Variants in HMCN1 observed in about 807,000 individuals in gnomAD.
HMCN1 encodes hemicentin-1.
Under a neutral mutation model 625.9 loss-of-function variants are expected in HMCN1, and 321 were observed. The ratio of observed to expected loss-of-function variants is 0.51; its 90% CI spans 0.47 to 0.56. HMCN1 has a LOEUF of 0.56. Ranked by LOEUF, HMCN1 falls within the 20% of genes least tolerant of loss-of-function variation. The pLI, the probability that HMCN1 is intolerant of heterozygous loss-of-function variation, is 0.00. For missense variants in HMCN1, 6,588 were observed against 6,887.3 expected (o/e 0.96, Z 1.54); for synonymous variants, 2,425 against 2,417.6 (o/e 1.00, Z -0.09).
chr1:186,070,394 C>A (rs991475305), intron 51 of HMCN1, among the ~76,000 whole-genome samples: 3 of 152,184 alleles, frequency 2.0e-5, no homozygotes, highest in African/African-American at 7.2e-5. Flanking sequence ...GCTTTATTGG[C>A]AGTATCACAT....
At chr1:185,959,789 C>G (rs956712463) in intron 11 of HMCN1, among the ~76,000 whole-genome samples, 2 of 151,850 alleles carry the variant, frequency 1.3e-5, no homozygotes, top group Non-Finnish European at 2.9e-5. Context: ...TTTTTTTCCC[C>G]TAACAGGATG....
chr1:186,069,376 G>A (rs943108025), intron 50 of HMCN1, among the ~76,000 whole-genome samples: 2 of 152,176 alleles, frequency 1.3e-5, no homozygotes, highest in Non-Finnish European at 2.9e-5. Context: ...TGAAGAGGAT[G>A]AAAGACCTTA....
rs755088191 is a variant in HMCN1, at chr1:186,119,324, A to G, written c.11956+26A>G. Reference sequence around the variant, plus strand: ...GTATGGAAGGCTATTTACTCATTCAAAGTTCGCTGGGTTTGGGGAGGTTTT... The same window carrying G: ...GTATGGAAGGCTATTTACTCATTCAGAGTTCGCTGGGTTTGGGGAGGTTTT... On this transcript the variant is annotated intron_variant, in intron 78 of 106. Transcript: ENST00000271588. The G allele has an allele frequency of 3.2e-6, 5 of 1,558,268 alleles. No homozygotes were observed. In the African/African-American group the frequency reaches 6.8e-5, roughly 21 times the overall value.
At chr1:185,996,907 A>G (rs986824612) in intron 24 of HMCN1, among the ~76,000 whole-genome samples, 1 of 152,138 alleles carries the variant, frequency 6.6e-6, no homozygotes, top group Non-Finnish European at 1.5e-5. Flanking sequence ...GATTTGAATT[A>G]GATAAGTCAA....
chr1:185,787,382 C>T (rs1049082896), intron 1 of HMCN1, among the ~76,000 whole-genome samples: 18 of 152,260 alleles, frequency 1.2e-4, no homozygotes, highest in Middle Eastern at 3.4e-3. Flanking sequence ...AATCAGCAGG[C>T]GCATGCCATA....
At chr1:185,780,249 T>C (rs559150702) in intron 1 of HMCN1, among the ~76,000 whole-genome samples, 357 of 152,364 alleles carry the variant, frequency 2.3e-3, no homozygotes, top group Non-Finnish European at 4.0e-3. Context: ...GATTTTGGGC[T>C]GAGATGATGG....
intron 4 of HMCN1, among the ~76,000 whole-genome samples, chr1:185,866,430 A>G (rs1663201734): frequency 7.5e-6 from 1 of 132,718 alleles, no homozygotes; most frequent in African/African-American, 3.0e-5. Context: ...TTTGAGGTGA[A>G]GTCTCGCTCT....
At chr1:186,160,997 ATCTG>A (rs2102604026) in intron 97 of HMCN1, among the ~76,000 whole-genome samples, 1 of 152,206 alleles carries the variant, frequency 6.6e-6, no homozygotes, top group African/African-American at 2.4e-5. Flanking sequence ...TGTCTCGTTG[ATCTG>A]TCTAATGTTT....
chr1:185,993,360 A>G (rs1652569043), intron 23 of HMCN1, 51 bp downstream of exon 23: 1 of 1,603,608 alleles, frequency 6.2e-7, no homozygotes, highest in Non-Finnish European at 8.5e-7. Context: ...GGCCACACAA[A>G]AACCCGTAAT....
intron 29 of HMCN1, 95 bp downstream of exon 29, chr1:186,003,939 AC>A: frequency 3.5e-6 from 4 of 1,151,040 alleles, no homozygotes; most frequent in Non-Finnish European, 5.1e-6. Context: ...TTATTTTATT[AC>A]ATAGAATATT....
intron 67 of HMCN1, 39 bp downstream of exon 67, chr1:186,094,412 C>A: frequency 7.0e-7 from 1 of 1,428,112 alleles, no homozygotes; most frequent in South Asian, 1.1e-5. Context: ...TTTGCTATGT[C>A]AAGTATTAAG....
In HMCN1 at chr1:186,187,915, T is replaced by C; in HGVS notation, c.16447T>C (p.Cys5483Arg). The C allele has an allele frequency of 1.2e-6, 2 of 1,613,822 alleles. No individual in the cohort carries two copies. Among genetic ancestry groups the C allele is most frequent in the Non-Finnish European group, 1.7e-6 (2 of 1,179,792 alleles). The change falls in exon 106 of 107, where the codon TGT becomes CGT. Residue 5483 changes from cysteine (C) to arginine (R), a missense_variant. Physicochemically the swap from Cys to Arg is radical, Grantham distance 180. Transcript: ENST00000271588. ...TGAATGTCTGGAGCAGAATGTGCAC[T>C]GTGGACCCAATCGCATGTGCTTCAA... is the stretch of plus-strand genomic sequence containing the variant. ...IDECLEQNVH[C>R]GPNRMCFNMR...
chr1:185,819,097 T>G (rs1488276090), intron 1 of HMCN1, among the ~76,000 whole-genome samples: 1 of 151,558 alleles, frequency 6.6e-6, no homozygotes, highest in African/African-American at 2.4e-5. Flanking sequence ...ATTTGCTGGG[T>G]GTGGTGGTGG....
At chr1:186,160,107 T>C (rs541312036) in intron 97 of HMCN1, among the ~76,000 whole-genome samples, 5 of 151,938 alleles carry the variant, frequency 3.3e-5, no homozygotes, top group African/African-American at 1.2e-4. Flanking sequence ...GATCCTGTTA[T>C]TGGTCTATTC....
In HMCN1 at chr1:185,963,559, G is replaced by A. The variant is rs138611432; in HGVS notation, c.1971-209G>A. Among the ~76,000 whole-genome samples the A allele has an allele frequency of 6.7e-3, 1,015 of 152,048 alleles. 4 individuals carry two copies. Among genetic ancestry groups the A allele is most frequent in the African/African-American group, 0.016 (665 of 41,484 alleles). ...ATAAATGTAAAGTTTCTAGAGCAGC[G>A]GCTGGTATGTAGTCAATATTGGATA... is the stretch of plus-strand genomic sequence containing the variant. On this transcript the variant is annotated intron_variant, in intron 12 of 106. Transcript: ENST00000271588.
intron 1 of HMCN1, among the ~76,000 whole-genome samples, chr1:185,803,774 T>C (rs1222470286): frequency 6.6e-6 from 1 of 152,110 alleles, no homozygotes; most frequent in Non-Finnish European, 1.5e-5. Context: ...TAACAACTTG[T>C]GTAAATTTAG....
At chr1:185,899,870 GTTCATTGAC>G (rs1458257937) in intron 4 of HMCN1, among the ~76,000 whole-genome samples, 1 of 151,948 alleles carries the variant, frequency 6.6e-6, no homozygotes, top group Non-Finnish European at 1.5e-5. Context: ...ATACTTAAAT[GTTCATTGAC>G]TTAATATGAA....
chr1:185,976,859 C>G (rs1245932176), intron 15 of HMCN1, among the ~76,000 whole-genome samples: 1 of 152,116 alleles, frequency 6.6e-6, no homozygotes, highest in Admixed American at 6.6e-5. Context: ...GGGTACACCT[C>G]TTAGAATCCT....
At chr1:185,903,125 A>T (rs58131117) in intron 4 of HMCN1, among the ~76,000 whole-genome samples, 22,678 of 151,858 alleles carry the variant, frequency 0.15, 5,510 homozygotes, top group African/African-American at 0.51. Context: ...TGTGACACAA[A>T]AATTTTATAA....
Sources: allele counts gnomAD v4.1 joint callset (sites outside exome capture counted in the v4.1 genomes callset), GRCh38; gene constraint gnomAD v4.1.1; transcripts MANE v1.5; gene names NCBI Gene and HGNC (gene_info 2026-07-23, HGNC 2026-07-21).